MED9: variants seen among roughly 807,000 people sequenced by gnomAD.
MED9 encodes the protein mediator of RNA polymerase II transcription subunit 9.
In MED9, 8 loss-of-function variants were observed where a neutral mutation model predicts 13.2. That is an observed-to-expected ratio of 0.61 (90% CI 0.36 to 1.10). MED9 has a LOEUF of 1.10. MED9 is among the 50% of genes least tolerant of loss of function. The probability of loss-of-function intolerance (pLI) is 0.02; values close to 1 mark genes in which losing one functional copy is unlikely to be tolerated. For missense variants in MED9, 180 were observed against 193.4 expected, an observed-to-expected ratio of 0.93 and a Z score of 0.41; for synonymous variants, 87 against 82.8, an observed-to-expected ratio of 1.05 and a Z score of -0.28.
chr17:17,478,740 C>G (rs1904972724), intron 1 of MED9, among the ~76,000 whole-genome samples: 1 of 152,002 alleles, frequency 6.6e-6, no homozygotes, highest in Non-Finnish European at 1.5e-5. Context: ...GCCTGTAATC[C>G]CAGCTACTCA....
At chr17:17,478,002 AT>A (rs1448524474) in intron 1 of MED9, among the ~76,000 whole-genome samples, 1 of 152,156 alleles carries the variant, frequency 6.6e-6, no homozygotes, top group Non-Finnish European at 1.5e-5. Context: ...TGCCTAAATT[AT>A]TATTTTTTTT....
rs779087560 is a variant in MED9 at position 17,477,149 on chromosome 17, G to T, written c.108G>T (p.Pro36=). The T allele has an allele frequency of 1.2e-6, 2 of 1,608,322 alleles. No individual in the cohort carries two copies. The highest frequency in any genetic ancestry group is 1.7e-6 in the Non-Finnish European group (2 of 1,177,896). ...DTKPLPPPQP[P]PVPAPQPQQS... is the part of the protein sequence containing the mutation. Reference sequence around the variant, plus strand: ...AGCCGCTGCCGCCTCCTCAGCCGCCGCCGGTCCCTGCGCCTCAACCGCAGC... The same window carrying T: ...AGCCGCTGCCGCCTCCTCAGCCGCCTCCGGTCCCTGCGCCTCAACCGCAGC... Residue 36 remains proline (P), a synonymous_variant, in exon 1 of 2, where the codon CCG becomes CCT. Coordinates refer to ENST00000268711, the MANE Select transcript of MED9 (RefSeq NM_018019.3).
chr17:17,492,074 C>G lies in MED9; in HGVS notation c.*579C>G, dbSNP rs942298738. On this transcript the variant is annotated 3_prime_UTR_variant, in exon 2 of 2. Transcript: ENST00000268711. ...GCCTTTTTCCCCAAACAGTTTGGTT[C>G]CTTTTATGTTTGAGCCAGTGAAGGG... 6.3e-6 allele frequency: 1 copy of G among 158,022 alleles called. No homozygotes were observed. Among genetic ancestry groups the G allele is most frequent in the African/African-American group, 2.4e-5 (1 of 41,474 alleles). 9.8% of individuals were successfully genotyped at this position (158,022 alleles called of 1,614,324 possible).
rs1905208012 is a variant in MED9, at chr17:17,490,391, G to A, written c.225-888G>A. Reference sequence around the variant, plus strand: ...CGGGAGGTGGAGGTTGCAGTGAGCCGAGATCGCACCACTGCCCTCCAGTCT... The same window carrying A: ...CGGGAGGTGGAGGTTGCAGTGAGCCAAGATCGCACCACTGCCCTCCAGTCT... On this transcript the variant is annotated intron_variant, in intron 1 of 1. Transcript: ENST00000268711. 2.0e-5 allele frequency among the ~76,000 whole-genome samples: 3 copies of A among 152,220 alleles called. No homozygotes were observed. The South Asian group carries it at 6.2e-4, about 32-fold the overall frequency.
At position 17,483,576 on chromosome 17, in the gene MED9, A is replaced by G. The variant is rs573075624; in HGVS notation, c.224+6311A>G. Among the ~76,000 whole-genome samples, 2 of 152,312 alleles carry G rather than the reference A, an allele frequency of 1.3e-5. No individual in the cohort carries two copies. Among genetic ancestry groups the G allele is most frequent in the South Asian group, 4.1e-4 (2 of 4,830 alleles). ...TGGAGTTGGAACCCATAGCACTTTC[A>G]TCTCTTCTAGTGTCTTTCCCGCAGT... On this transcript the variant is annotated intron_variant, in intron 1 of 1. Transcript: ENST00000268711. This position sits in a 1 kb window ranked among gnomAD's most constrained non-coding sequence, Gnocchi z 4.2.
rs977497949 is a variant in MED9 at position 17,492,308 on chromosome 17, G to T, written c.*813G>T. The T allele has an allele frequency of 6.6e-6, 1 of 152,376 alleles. No individual in the cohort carries two copies. The highest frequency in any genetic ancestry group is 1.5e-5 in the Non-Finnish European group (1 of 68,142). 9.4% of individuals were successfully genotyped at this position (152,376 alleles called of 1,614,324 possible). A position where few individuals can be genotyped will look rare whatever the true frequency, so the allele number is the denominator to read the frequency against. On this transcript the variant is annotated 3_prime_UTR_variant, in exon 2 of 2. Coordinates refer to ENST00000268711, the MANE Select transcript of MED9 (RefSeq NM_018019.3). ...GCCGTCCTTTCCACACAGGCCAGAA[G>T]AGGTCTTCAGGCGAACCGACCTTCC...
Position 17,491,595 on chromosome 17 carries a change from C to A in MED9, c.*100C>A. 2 of 1,151,788 alleles carry A rather than the reference C, an allele frequency of 1.7e-6. No individual in the cohort carries two copies. The highest frequency in any genetic ancestry group is 2.5e-6 in the Non-Finnish European group (2 of 795,562). 71.3% of individuals were successfully genotyped at this position (1,151,788 alleles called of 1,614,324 possible). On this transcript the variant is annotated 3_prime_UTR_variant, in exon 2 of 2. Coordinates refer to ENST00000268711, the MANE Select transcript of MED9 (RefSeq NM_018019.3). ...GGGGCGTGGTTCCTGTGGACCCCAG[C>A]TCAGCTCGTCAAGCTGCAGGGGCGG... is the stretch of plus-strand genomic sequence containing the variant.
chr17:17,481,057 T>G (rs1905025240), intron 1 of MED9, among the ~76,000 whole-genome samples: 1 of 152,126 alleles, frequency 6.6e-6, no homozygotes, highest in Non-Finnish European at 1.5e-5. Flanking sequence ...CTTGGTGGTG[T>G]TGAGCATACA....
intron 1 of MED9, chr17:17,484,885 GTGGGAAGCTTTGCCTAGGAAGGC>G (rs1905098485): frequency 6.6e-6 from 1 of 152,382 alleles, no homozygotes; most frequent in Non-Finnish European, 1.5e-5. Flanking sequence ...CCTGGGAAGG[GTGGGAAGCTTTGCCTAGGAAGGC>G]TGGAAGCACT....
chr17:17,483,499 C>T lies in MED9; in HGVS notation c.224+6234C>T, dbSNP rs1482139112. Among the ~76,000 whole-genome samples the T allele has an allele frequency of 1.3e-5, 2 of 152,248 alleles. No homozygotes were observed. Among genetic ancestry groups the T allele is most frequent in the Non-Finnish European group, 2.9e-5 (2 of 68,046 alleles). On this transcript the variant is annotated intron_variant, in intron 1 of 1. Coordinates refer to ENST00000268711, the MANE Select transcript of MED9 (RefSeq NM_018019.3). This position sits in a 1 kb window ranked among gnomAD's most constrained non-coding sequence, Gnocchi z 4.2. ...CCTGTGAACCAGAGCCTCTCCTGTACCCCCAGGGACCCACCTGGTTCTGGG... is the reference window on the plus strand; with the variant it reads ...CCTGTGAACCAGAGCCTCTCCTGTATCCCCAGGGACCCACCTGGTTCTGGG...
Position 17,491,589 on chromosome 17 carries a change from C to A in MED9, c.*94C>A. On this transcript the variant is annotated 3_prime_UTR_variant, in exon 2 of 2. Coordinates refer to ENST00000268711, the MANE Select transcript of MED9 (RefSeq NM_018019.3). ...CTCCTTGGGGCGTGGTTCCTGTGGA[C>A]CCCAGCTCAGCTCGTCAAGCTGCAG... 1.7e-6 allele frequency: 2 copies of A among 1,211,418 alleles called. No homozygotes were observed. The highest frequency in any genetic ancestry group is 2.4e-6 in the Non-Finnish European group (2 of 844,504). 75.0% of individuals were successfully genotyped at this position (1,211,418 alleles called of 1,614,324 possible). A position where few individuals can be genotyped will look rare whatever the true frequency, so the allele number is the denominator to read the frequency against.
chr17:17,478,566 A>G (rs1299614346), intron 1 of MED9, among the ~76,000 whole-genome samples: 1 of 152,148 alleles, frequency 6.6e-6, no homozygotes, highest in Non-Finnish European at 1.5e-5. Flanking sequence ...GTGTTTAAAT[A>G]CTGTTTATAG....
intron 1 of MED9, among the ~76,000 whole-genome samples, chr17:17,488,804 G>T (rs1181184749): frequency 6.6e-6 from 1 of 151,886 alleles, no homozygotes; most frequent in Non-Finnish European, 1.5e-5. Flanking sequence ...TTGCACTCCA[G>T]CCTGGGCAAC....
Position 17,483,419 on chromosome 17 carries a change from T to C in MED9, c.224+6154T>C, listed in dbSNP as rs550307335. The stretch of plus-strand genomic sequence containing the variant: ...GTTGGGTGGGCGGAGTCCTCCAGGC[T>C]GGCAGACCCTCCAGCCCCTCCACTA... On this transcript the variant is annotated intron_variant, in intron 1 of 1. Transcript: ENST00000268711. This position sits in a 1 kb window ranked among gnomAD's most constrained non-coding sequence, Gnocchi z 4.2. Among the ~76,000 whole-genome samples, 1 of 152,286 alleles carries C rather than the reference T, an allele frequency of 6.6e-6. No homozygotes were observed. The highest frequency in any genetic ancestry group is 2.1e-4 in the South Asian group (1 of 4,828).
At chr17:17,479,837 C>G (rs934876566) in intron 1 of MED9, among the ~76,000 whole-genome samples, 1 of 152,040 alleles carries the variant, frequency 6.6e-6, no homozygotes, top group African/African-American at 2.4e-5. Context: ...AAGAATAGGA[C>G]AGGAGATGAT....
intron 1 of MED9, among the ~76,000 whole-genome samples, chr17:17,478,577 G>A (rs1211009071): frequency 6.6e-6 from 1 of 152,102 alleles, no homozygotes; most frequent in African/African-American, 2.4e-5. Context: ...CTGTTTATAG[G>A]GGCCAGGCAT....
intron 1 of MED9, among the ~76,000 whole-genome samples, chr17:17,482,374 A>T (rs1905046016): frequency 6.6e-6 from 1 of 152,154 alleles, no homozygotes; most frequent in Non-Finnish European, 1.5e-5. Context: ...GGCAAATCTC[A>T]TAGGTCAGAA....
intron 1 of MED9, among the ~76,000 whole-genome samples, chr17:17,481,029 A>G (rs1051130551): frequency 2.0e-5 from 3 of 152,216 alleles, no homozygotes; most frequent in African/African-American, 4.8e-5. Context: ...GCATCTACTC[A>G]TGGGAGTCAG....
At chr17:17,485,124 G>A (rs527286877) in intron 1 of MED9, 7 of 326,010 alleles carry the variant, frequency 2.1e-5, no homozygotes, top group South Asian at 1.6e-4. Context: ...CTTGATTTCC[G>A]TGCCTCAGCC....
Sources: gnomAD v4.1 joint callset for allele counts (sites outside exome capture counted in the v4.1 genomes callset) on GRCh38, gnomAD v4.1.1 for gene constraint, Gnocchi (gnomAD v3.1) non-coding constraint, MANE v1.5 for transcripts, NCBI Gene and HGNC (gene_info 2026-07-23, HGNC 2026-07-21) for gene names.